Variants in ANK2 observed in about 807,000 individuals in gnomAD.
The protein encoded by ANK2 is ankyrin 2, also known as ankyrin-2.
Under a neutral mutation model 360.5 loss-of-function variants are expected in ANK2, and 83 were observed. That is an observed-to-expected ratio of 0.23 (90% CI 0.19 to 0.28). The LOEUF is 0.28. ANK2 is among the 10% of genes least tolerant of loss of function. The pLI, the probability that ANK2 is intolerant of heterozygous loss-of-function variation, is 1.00. For missense variants in ANK2, 4,201 were observed against 4,795.7 expected, an observed-to-expected ratio of 0.88 and a Z score of 3.66; for synonymous variants, 1,740 against 1,759.5, an observed-to-expected ratio of 0.99 and a Z score of 0.28.
At chr4:113,170,626 C>T (rs1279997106) in intron 1 of ANK2, among the ~76,000 whole-genome samples, 1 of 152,030 alleles carries the variant, frequency 6.6e-6, no homozygotes, top group Non-Finnish European at 1.5e-5. Flanking sequence ...GCTCATGGGC[C>T]CCTGTGGACA....
intron 1 of ANK2, among the ~76,000 whole-genome samples, chr4:113,056,264 G>C (rs1043420440): frequency 6.6e-6 from 1 of 152,158 alleles, no homozygotes; most frequent in Non-Finnish European, 1.5e-5. Flanking sequence ...AATTTTGTTA[G>C]TATGATATTC....
At chr4:113,262,684 G>GA (rs2053620159) in intron 13 of ANK2, among the ~76,000 whole-genome samples, 11 of 150,254 alleles carry the variant, frequency 7.3e-5, no homozygotes, top group African/African-American at 2.8e-4. Flanking sequence ...ATTTTAAAAA[G>GA]TACAGTATAA....
At chr4:112,849,710 G>C (rs1386689395) in intron 1 of ANK2, among the ~76,000 whole-genome samples, 1 of 152,032 alleles carries the variant, frequency 6.6e-6, no homozygotes, top group Admixed American at 6.5e-5. Context: ...TTCATCTTTT[G>C]TTCCCTTCTT....
At chr4:113,327,762 C>T (rs534125060) in intron 26 of ANK2, among the ~76,000 whole-genome samples, 1 of 152,278 alleles carries the variant, frequency 6.6e-6, no homozygotes, top group South Asian at 2.1e-4. Flanking sequence ...ACACCATGTA[C>T]TTTGTGGCAG....
the ANK2 span, among the ~76,000 whole-genome samples, chr4:112,710,157 C>T: frequency 1.3e-5 from 2 of 152,184 alleles, no homozygotes; most frequent in African/African-American, 2.4e-5. Flanking sequence ...GAGCTACATA[C>T]TCAAGTTCAT....
chr4:113,073,959 G>A (rs2154342392), intron 1 of ANK2, among the ~76,000 whole-genome samples: 1 of 152,290 alleles, frequency 6.6e-6, no homozygotes, highest in South Asian at 2.1e-4. Flanking sequence ...TTGAAGAGAG[G>A]AGAAAAGTGC....
chr4:113,041,027 GT>G (rs989195727), intron 2 of ANK2, among the ~76,000 whole-genome samples: 3 of 151,854 alleles, frequency 2.0e-5, no homozygotes, highest in Non-Finnish European at 2.9e-5. Context: ...ATTTTTGGTG[GT>G]GACAGACTAA....
intron 1 of ANK2, among the ~76,000 whole-genome samples, chr4:113,051,552 G>A (rs1244935501): frequency 6.6e-6 from 1 of 152,156 alleles, no homozygotes; most frequent in East Asian, 1.9e-4. Context: ...GAATGTGTGT[G>A]TCAGAGCACC....
At chr4:113,064,571 A>G (rs2074881698) in intron 1 of ANK2, among the ~76,000 whole-genome samples, 1 of 152,146 alleles carries the variant, frequency 6.6e-6, no homozygotes, top group South Asian at 2.1e-4. Context: ...TAGGAGCTCA[A>G]TTTGTGGTGG....
At chr4:113,152,909 AT>A (rs2097148021) in intron 1 of ANK2, among the ~76,000 whole-genome samples, 1 of 152,278 alleles carries the variant, frequency 6.6e-6, no homozygotes, top group African/African-American at 2.4e-5. Context: ...TCAAAAAAAA[AT>A]AGTAAAAATC....
intron 1 of ANK2, among the ~76,000 whole-genome samples, chr4:113,098,290 A>G (rs555199554): frequency 8.2e-4 from 125 of 152,174 alleles, no homozygotes; most frequent in Middle Eastern, 3.4e-3. Flanking sequence ...AAAGATATAT[A>G]AAGTTGATAA....
At chr4:113,329,756 A>G (rs6853278) in intron 26 of ANK2, among the ~76,000 whole-genome samples, 23,117 of 152,216 alleles carry the variant, frequency 0.15, 3,442 homozygotes, top group African/African-American at 0.39. Context: ...TTAAAAATCT[A>G]CATCCTGGGT....
At chr4:113,081,503 C>T (rs144847126) in intron 1 of ANK2, among the ~76,000 whole-genome samples, 5 of 152,166 alleles carry the variant, frequency 3.3e-5, no homozygotes, top group Non-Finnish European at 7.4e-5. Context: ...AAGTAAGAAG[C>T]TTAATACTTA....
chr4:112,969,539 G>A (rs2038671775), intron 2 of ANK2, among the ~76,000 whole-genome samples: 1 of 152,208 alleles, frequency 6.6e-6, no homozygotes, highest in Admixed American at 6.5e-5. Flanking sequence ...GAAGACTAGG[G>A]AGGAAAAGAG....
At chr4:112,760,687 C>T in the ANK2 span, among the ~76,000 whole-genome samples, 1 of 151,996 alleles carries the variant, frequency 6.6e-6, no homozygotes, top group African/African-American at 2.4e-5. Flanking sequence ...TGCTATCCCT[C>T]GCCCCAAATT....
intron 1 of ANK2, among the ~76,000 whole-genome samples, chr4:113,097,397 T>C (rs2154357232): frequency 2.6e-5 from 4 of 152,224 alleles, no homozygotes; most frequent in Admixed American, 2.6e-4. Flanking sequence ...GCTTATACTC[T>C]GTAAGGTAGA....
At chr4:113,307,703 G>A (rs572335371) in intron 23 of ANK2, among the ~76,000 whole-genome samples, 4 of 152,220 alleles carry the variant, frequency 2.6e-5, no homozygotes, top group Non-Finnish European at 5.9e-5. Flanking sequence ...ACGCCCGGCC[G>A]CCGTTCCACT....
chr4:113,177,122 C>G (rs747359157), intron 2 of ANK2, among the ~76,000 whole-genome samples: 2 of 152,128 alleles, frequency 1.3e-5, no homozygotes, highest in Non-Finnish European at 2.9e-5. Flanking sequence ...CTTAGGTTTC[C>G]AGGCTGGAGT....
chr4:112,930,783 G>A (rs2093130346), intron 2 of ANK2, among the ~76,000 whole-genome samples: 1 of 151,440 alleles, frequency 6.6e-6, no homozygotes, highest in East Asian at 2.0e-4. Context: ...AGTTACTCAG[G>A]AGGCTGAGGC....
Sources: allele counts gnomAD v4.1 joint callset (sites outside exome capture counted in the v4.1 genomes callset), GRCh38; gene constraint gnomAD v4.1.1; transcripts MANE v1.5; gene names NCBI Gene and HGNC (gene_info 2026-07-23, HGNC 2026-07-21).